The following GLMN variants were observed in gnomAD, a reference collection of about 807,000 sequenced individuals.
The protein encoded by GLMN is glomulin.
GLMN carries 75 observed loss-of-function variants against 87.8 expected under a neutral mutation model. The ratio of observed to expected loss-of-function variants is 0.85; its 90% CI spans 0.71 to 1.04. The LOEUF (loss-of-function observed/expected upper bound fraction) is 1.04, where lower values mean the gene tolerates loss of function less well. Ranked by LOEUF, GLMN falls within the 50% of genes least tolerant of loss-of-function variation. The pLI is 0.00. For synonymous variants in GLMN, 206 were observed against 221.6 expected (o/e 0.93, Z 0.63); for missense variants, 588 against 658.8 (o/e 0.89, Z 1.18).
the GLMN span, chr1:92,304,076 G>GT: frequency 8.8e-6 from 14 of 1,584,894 alleles, no homozygotes; most frequent in Non-Finnish European, 1.2e-5. Flanking sequence ...GCTGGGAATT[G>GT]TAAGTAACTC....
the GLMN span, among the ~76,000 whole-genome samples, chr1:92,313,915 A>G: frequency 6.6e-6 from 1 of 152,158 alleles, no homozygotes; most frequent in African/African-American, 2.4e-5. Flanking sequence ...AATCTCATGA[A>G]CCAAACTTTG....
chr1:92,322,067 T>C, the GLMN span, among the ~76,000 whole-genome samples: 1 of 149,790 alleles, frequency 6.7e-6, no homozygotes, highest in Admixed American at 6.7e-5. Flanking sequence ...TGCCTCAGCC[T>C]CCTGAGTAAC....
chr1:92,285,846 C>G (rs533918294), intron 7 of GLMN, among the ~76,000 whole-genome samples: 8 of 152,282 alleles, frequency 5.3e-5, no homozygotes, highest in African/African-American at 1.9e-4. Context: ...CAGATTATTT[C>G]TCTAATACAG....
chr1:92,346,782 C>G, the GLMN span, among the ~76,000 whole-genome samples: 3 of 152,088 alleles, frequency 2.0e-5, no homozygotes, highest in East Asian at 5.8e-4. Flanking sequence ...GGCTATTTAT[C>G]AATAGGGTTA....
At chr1:92,340,449 G>A in the GLMN span, among the ~76,000 whole-genome samples, 1 of 152,170 alleles carries the variant, frequency 6.6e-6, no homozygotes, top group African/African-American at 2.4e-5. Context: ...CTGATAGTGG[G>A]AAAGAGTTGA....
the GLMN span, chr1:92,336,427 G>T: frequency 1.3e-6 from 2 of 1,578,696 alleles, no homozygotes; most frequent in Non-Finnish European, 1.7e-6. Context: ...CGAACTTTCA[G>T]GTTAGTGTTT....
At position 92,261,270 on chromosome 1, in the gene GLMN, T is replaced by A. The variant is rs1239262524; in HGVS notation, c.1473+1593A>T. On this transcript the variant is annotated intron_variant, in intron 16 of 18. Coordinates refer to ENST00000370360, the MANE Select transcript of GLMN (RefSeq NM_053274.3). ...TCCAGATGTTTGCCCTTGTGCAAGT[T>A]AATGAACTTTTTTCACCTACATTAT... is the stretch of plus-strand genomic sequence containing the variant. 2.6e-5 allele frequency among the ~76,000 whole-genome samples: 4 copies of A among 152,250 alleles called. No individual in the cohort carries two copies. In the East Asian group the frequency reaches 7.7e-4, roughly 29 times the overall value.
intron 3 of GLMN, 82 bp from the exon 4 acceptor site, chr1:92,291,619 A>G: frequency 4.4e-6 from 6 of 1,367,744 alleles, no homozygotes; most frequent in Non-Finnish European, 6.3e-6. Context: ...GGAAGAGCTC[A>G]GAATTGTTTC....
chr1:92,296,813 A>C (rs889122466), intron 3 of GLMN, among the ~76,000 whole-genome samples: 9 of 152,180 alleles, frequency 5.9e-5, no homozygotes, highest in Non-Finnish European at 1.3e-4. Context: ...TCCTGTTCTG[A>C]TTCTATGCAC....
the GLMN span, among the ~76,000 whole-genome samples, chr1:92,307,726 A>ATTT: frequency 2.0e-4 from 30 of 150,308 alleles, no homozygotes; most frequent in Non-Finnish European, 3.4e-4. Context: ...TTAAAAAGTA[A>ATTT]TTTTTTTTTT....
chr1:92,298,678 G>C (rs1650472586), intron 1 of GLMN, among the ~76,000 whole-genome samples: 1 of 152,090 alleles, frequency 6.6e-6, no homozygotes, highest in South Asian at 2.1e-4. Context: ...GGCAAGGCTC[G>C]GCCCCAAGCC....
chr1:92,361,112 C>A, the GLMN span, among the ~76,000 whole-genome samples: 1 of 60,496 alleles, frequency 1.7e-5, no homozygotes, highest in Admixed American at 2.1e-4. Context: ...TACACACACA[C>A]ACACATATAT....
At chr1:92,261,227 T>C (rs1655006782) in intron 16 of GLMN, among the ~76,000 whole-genome samples, 1 of 152,250 alleles carries the variant, frequency 6.6e-6, no homozygotes, top group Non-Finnish European at 1.5e-5. Flanking sequence ...CCTGGGGTCA[T>C]AGCTATTTCT....
intron 3 of GLMN, among the ~76,000 whole-genome samples, chr1:92,296,823 C>T (rs962408754): frequency 6.6e-6 from 1 of 152,180 alleles, no homozygotes; most frequent in African/African-American, 2.4e-5. Context: ...ATTCTATGCA[C>T]ATAAAATACT....
chr1:92,255,884 C>G (rs1395004476), intron 16 of GLMN, among the ~76,000 whole-genome samples: 1 of 152,058 alleles, frequency 6.6e-6, no homozygotes, highest in Non-Finnish European at 1.5e-5. Flanking sequence ...AATTCAAAAG[C>G]TAGCAGAAGA....
chr1:92,267,890 A>G lies in GLMN; in HGVS notation c.1098+23T>C, dbSNP rs758189308. On this transcript the variant is annotated intron_variant, in intron 11 of 18. Coordinates refer to ENST00000370360, the MANE Select transcript of GLMN (RefSeq NM_053274.3). ...GAACAGGCAAAGGGCTATTTTCAATATTAGAATACATATTTTATTTACCTG... is the reference window on the plus strand; with the variant it reads ...GAACAGGCAAAGGGCTATTTTCAATGTTAGAATACATATTTTATTTACCTG... The G allele has an allele frequency of 4.5e-5, 49 of 1,085,756 alleles. No homozygotes were observed. In the South Asian group the frequency reaches 5.8e-4, roughly 13 times the overall value. The allele number at this position is 1,085,756 out of a possible 1,614,324, so 67.3% of individuals were successfully genotyped here.
intron 9 of GLMN, 88 bp from the exon 10 acceptor site, chr1:92,268,223 A>AT (rs1373838883): frequency 1.4e-6 from 1 of 737,934 alleles, no homozygotes; most frequent in Non-Finnish European, 2.4e-6. Flanking sequence ...AAAAACTGAA[A>AT]TTTTAACACT....
At chr1:92,312,438 A>G in the GLMN span, among the ~76,000 whole-genome samples, 10 of 151,646 alleles carry the variant, frequency 6.6e-5, no homozygotes, top group African/African-American at 1.7e-4. Context: ...AAAAAATTGA[A>G]GTCAGTCCTC....
intron 1 of GLMN, among the ~76,000 whole-genome samples, chr1:92,298,419 T>A (rs1261322310): frequency 1.3e-5 from 2 of 151,856 alleles, no homozygotes; most frequent in Non-Finnish European, 2.9e-5. Flanking sequence ...TGAAAAAAAA[T>A]TTCCAAAAGG....
Sources: allele counts gnomAD v4.1 joint callset (sites outside exome capture counted in the v4.1 genomes callset), GRCh38; gene constraint gnomAD v4.1.1; transcripts MANE v1.5; gene names NCBI Gene and HGNC (gene_info 2026-07-23, HGNC 2026-07-21).